Variants in PREX1 observed in about 807,000 individuals in gnomAD.
The protein encoded by PREX1 is phosphatidylinositol-3,4,5-trisphosphate dependent Rac exchange factor 1, also known as phosphatidylinositol 3,4,5-trisphosphate-dependent Rac exchanger 1 protein.
A neutral mutation model predicts 198.3 loss-of-function variants in PREX1; 41 were observed. The observed-to-expected ratio is 0.21, with a 90% CI of 0.16 to 0.27. The LOEUF (loss-of-function observed/expected upper bound fraction) is 0.27. Ranked by LOEUF, PREX1 falls within the 10% of genes least tolerant of loss-of-function variation. PREX1 has a pLI of 1.00. For missense variants in PREX1, 1,620 were observed against 2,200.7 expected (o/e 0.74, Z 5.28); for synonymous variants, 843 against 887.2 (o/e 0.95, Z 0.89).
the PREX1 span, among the ~76,000 whole-genome samples, chr20:48,869,306 G>GT: frequency 6.8e-6 from 1 of 146,500 alleles, no homozygotes. Context: ...TTGTTGTTTT[G>GT]TTTTTTTTTT....
chr20:48,821,213 G>A (rs1204763564), intron 1 of PREX1, among the ~76,000 whole-genome samples: 1 of 152,028 alleles, frequency 6.6e-6, no homozygotes, highest in Non-Finnish European at 1.5e-5. Context: ...AAAAAAAACG[G>A]GGGGATTTTT....
chr20:48,701,771 G>C (rs2089876025), intron 6 of PREX1, among the ~76,000 whole-genome samples: 2 of 152,140 alleles, frequency 1.3e-5, no homozygotes, highest in Admixed American at 6.5e-5. Flanking sequence ...AGATTTACAC[G>C]TCAATCCCAA....
intron 5 of PREX1, among the ~76,000 whole-genome samples, chr20:48,715,498 C>A (rs2089957960): frequency 6.6e-6 from 1 of 152,182 alleles, no homozygotes; most frequent in Admixed American, 6.5e-5. Context: ...GAGGCATGGT[C>A]TCTACTTCGC....
intron 13 of PREX1, among the ~76,000 whole-genome samples, chr20:48,678,503 C>G (rs6122713): frequency 0.39 from 58,287 of 151,310 alleles, 11,775 homozygotes; most frequent in African/African-American, 0.51. Context: ...TTAAAATGAA[C>G]AAAGGGAGCT....
intron 5 of PREX1, among the ~76,000 whole-genome samples, chr20:48,713,955 A>T (rs958685437): frequency 6.6e-6 from 1 of 152,194 alleles, no homozygotes; most frequent in Non-Finnish European, 1.5e-5. Context: ...ATGGTCAGTT[A>T]ATTTTCCACA....
At chr20:48,770,891 C>G (rs1289963487) in intron 1 of PREX1, among the ~76,000 whole-genome samples, 1 of 152,144 alleles carries the variant, frequency 6.6e-6, no homozygotes, top group Non-Finnish European at 1.5e-5. Flanking sequence ...GCCCTGAAGA[C>G]TGAGAGGCTC....
the PREX1 span, among the ~76,000 whole-genome samples, chr20:48,880,200 A>T: frequency 6.6e-6 from 1 of 152,222 alleles, no homozygotes; most frequent in Admixed American, 6.5e-5. Flanking sequence ...TTTTGACTCT[A>T]AGTCCACAAA....
intron 1 of PREX1, among the ~76,000 whole-genome samples, chr20:48,787,800 T>C (rs1465701316): frequency 2.6e-5 from 4 of 152,204 alleles, no homozygotes; most frequent in Non-Finnish European, 5.9e-5. Flanking sequence ...ATTTTTTAAG[T>C]CTAATTTTGA....
At chr20:48,648,679 C>A (rs937591531) in intron 25 of PREX1, among the ~76,000 whole-genome samples, 3 of 152,192 alleles carry the variant, frequency 2.0e-5, no homozygotes, top group Admixed American at 1.3e-4. Context: ...CTGCATCTGG[C>A]AGGTCCGTCT....
At chr20:48,783,218 G>A (rs140897029) in intron 1 of PREX1, among the ~76,000 whole-genome samples, 15 of 152,320 alleles carry the variant, frequency 9.8e-5, no homozygotes, top group African/African-American at 3.6e-4. Flanking sequence ...GTTAGATGGG[G>A]TGGTGGCAGA....
chr20:48,772,062 C>T (rs982242649), intron 1 of PREX1, among the ~76,000 whole-genome samples: 8 of 151,966 alleles, frequency 5.3e-5, no homozygotes, highest in Non-Finnish European at 1.0e-4. Flanking sequence ...GGCGTGGTGG[C>T]GGGCACCTGT....
At chr20:48,848,475 T>C in the PREX1 span, among the ~76,000 whole-genome samples, 1 of 152,118 alleles carries the variant, frequency 6.6e-6, no homozygotes, top group Non-Finnish European at 1.5e-5. Flanking sequence ...CAGACTGGTC[T>C]TGAACTCCTG....
chr20:48,771,660 G>C (rs2090236446), intron 1 of PREX1, among the ~76,000 whole-genome samples: 1 of 152,062 alleles, frequency 6.6e-6, no homozygotes, highest in Admixed American at 6.6e-5. Flanking sequence ...GGCAACAAAA[G>C]TTCAAGCCTT....
chr20:48,800,261 T>C (rs116235841), intron 1 of PREX1, among the ~76,000 whole-genome samples: 1,777 of 151,436 alleles, frequency 0.012, 27 homozygotes, highest in African/African-American at 0.041. Context: ...CAGGCTGAGC[T>C]GACATTAAGG....
chr20:48,720,695 G>A (rs1199008442), intron 5 of PREX1, among the ~76,000 whole-genome samples: 1 of 151,888 alleles, frequency 6.6e-6, no homozygotes, highest in Non-Finnish European at 1.5e-5. Flanking sequence ...CGGGAAACAC[G>A]TCACTCCCAG....
intron 33 of PREX1, 141 bp downstream of exon 33, chr20:48,634,535 T>G: frequency 2.9e-5 from 19 of 662,986 alleles, no homozygotes; most frequent in Non-Finnish European, 3.3e-5. Flanking sequence ...GTTGGAGGCA[T>G]GAGGTTTGAC....
At chr20:48,649,259 C>A (rs991843055) in intron 25 of PREX1, 41 bp downstream of exon 25, 3 of 1,590,862 alleles carry the variant, frequency 1.9e-6, no homozygotes, top group Non-Finnish European at 1.7e-6. Flanking sequence ...ATTGAGAACA[C>A]CTGCCCCTGC....
At position 48,745,133 on chromosome 20, in the gene PREX1, G is replaced by A; in HGVS notation, c.306C>T (p.Asn102=). The A allele has an allele frequency of 6.2e-7, 1 of 1,614,010 alleles. No homozygotes were observed. The highest frequency in any genetic ancestry group is 2.2e-5 in the East Asian group (1 of 44,870). The stretch of plus-strand genomic sequence containing the variant: ...TATGAACTTCCAGGATGTCTTCGAT[G>A]TTCGAGAACAGGACCTGTGAGGAAA... ...TEENVKVLFS[N]IEDILEVHKD... is the part of the protein sequence containing the mutation. Residue 102 remains asparagine (N), a synonymous_variant, in exon 3 of 40, where the codon AAC becomes AAT. Transcript: ENST00000371941.
intron 1 of PREX1, among the ~76,000 whole-genome samples, chr20:48,816,029 GAA>G (rs35288307): frequency 0.057 from 7,115 of 124,586 alleles, 592 homozygotes; most frequent in African/African-American, 0.19. Context: ...AGAAAAAAAG[GAA>G]AAAAAAAAAA....
Sources: allele counts gnomAD v4.1 joint callset (sites outside exome capture counted in the v4.1 genomes callset), GRCh38; gene constraint gnomAD v4.1.1; transcripts MANE v1.5; gene names NCBI Gene and HGNC (gene_info 2026-07-23, HGNC 2026-07-21).